Variants in ATP10A observed in about 807,000 individuals in gnomAD.
ATP10A encodes the protein ATPase phospholipid transporting 10A (putative).
ATP10A carries 111 observed loss-of-function variants against 147.8 expected under a neutral mutation model. The observed-to-expected ratio is 0.75, with a 90% CI of 0.64 to 0.88. The LOEUF is 0.88. ATP10A is among the 40% of genes least tolerant of loss of function. The pLI is 0.00. For synonymous variants in ATP10A, 875 were observed against 841.6 expected, an observed-to-expected ratio of 1.04 and a Z score of -0.69; for missense variants, 1,927 against 1,959.0, an observed-to-expected ratio of 0.98 and a Z score of 0.31.
At chr15:25,804,399 G>A (rs778918379) in intron 1 of ATP10A, among the ~76,000 whole-genome samples, 23 of 149,718 alleles carry the variant, frequency 1.5e-4, no homozygotes, top group African/African-American at 4.5e-4. Context: ...GTGCATATGC[G>A]GGTAGGGGTG....
At chr15:25,700,224 C>G (rs956841732) in intron 13 of ATP10A, among the ~76,000 whole-genome samples, 1 of 152,142 alleles carries the variant, frequency 6.6e-6, no homozygotes, top group African/African-American at 2.4e-5. Flanking sequence ...GAAAAAAAAT[C>G]AATGACAATG....
At chr15:25,837,027 A>C (rs1292956815) in intron 1 of ATP10A, among the ~76,000 whole-genome samples, 1 of 152,236 alleles carries the variant, frequency 6.6e-6, no homozygotes, top group Non-Finnish European at 1.5e-5. Flanking sequence ...TACATAGAGA[A>C]ATGATCACCA....
chr15:25,748,783 A>T (rs769168274), intron 2 of ATP10A, among the ~76,000 whole-genome samples: 11 of 152,208 alleles, frequency 7.2e-5, no homozygotes, highest in Middle Eastern at 3.4e-3. Flanking sequence ...GACCAGGCAC[A>T]GTGGCTCATG....
At chr15:25,815,783 G>A (rs983363234) in intron 1 of ATP10A, among the ~76,000 whole-genome samples, 4 of 152,112 alleles carry the variant, frequency 2.6e-5, no homozygotes, top group African/African-American at 9.7e-5. Flanking sequence ...AGCCATTTTA[G>A]GAGAAAAGCT....
chr15:25,685,339 C>G (rs1899652965), intron 16 of ATP10A, among the ~76,000 whole-genome samples: 1 of 152,174 alleles, frequency 6.6e-6, no homozygotes, highest in Non-Finnish European at 1.5e-5. Context: ...CTCCTTTCTG[C>G]ACCCTTCAAT....
intron 2 of ATP10A, among the ~76,000 whole-genome samples, chr15:25,772,444 A>G (rs1287762839): frequency 1.3e-5 from 2 of 152,162 alleles, no homozygotes; most frequent in Non-Finnish European, 2.9e-5. Flanking sequence ...TGGCCCACGC[A>G]GGCTCACTGG....
At chr15:25,790,434 C>T (rs987223115) in intron 1 of ATP10A, among the ~76,000 whole-genome samples, 2 of 152,200 alleles carry the variant, frequency 1.3e-5, no homozygotes, top group African/African-American at 2.4e-5. Flanking sequence ...AAATACTGGT[C>T]GCTCTGTGGT....
chr15:25,857,034 T>C (rs1192358796), intron 1 of ATP10A, among the ~76,000 whole-genome samples: 1 of 152,212 alleles, frequency 6.6e-6, no homozygotes, highest in East Asian at 1.9e-4. Flanking sequence ...AAAAGATTTA[T>C]CAGCCACCTG....
At chr15:25,738,643 G>T (rs1887418857) in intron 2 of ATP10A, 1 of 152,150 alleles carries the variant, frequency 6.6e-6, no homozygotes, top group Non-Finnish European at 1.5e-5. Flanking sequence ...TGACTGAGAA[G>T]AAATGAAATA....
intron 1 of ATP10A, among the ~76,000 whole-genome samples, chr15:25,839,858 G>A (rs1055849747): frequency 3.3e-5 from 5 of 152,104 alleles, no homozygotes; most frequent in African/African-American, 9.7e-5. Flanking sequence ...AATCAAAACC[G>A]GGAAATTGGC....
chr15:25,803,597 T>A (rs1181277121), intron 1 of ATP10A, among the ~76,000 whole-genome samples: 1 of 152,190 alleles, frequency 6.6e-6, no homozygotes, highest in African/African-American at 2.4e-5. Flanking sequence ...CCTGTCCTAC[T>A]CCCAAGTATC....
At chr15:25,784,838 C>T (rs537374240) in intron 1 of ATP10A, among the ~76,000 whole-genome samples, 5 of 151,822 alleles carry the variant, frequency 3.3e-5, no homozygotes, top group African/African-American at 9.7e-5. Context: ...AGGAGAATCG[C>T]TTGAACCCGG....
chr15:25,780,009 C>T (rs536252763), intron 2 of ATP10A, among the ~76,000 whole-genome samples: 1 of 152,286 alleles, frequency 6.6e-6, no homozygotes, highest in African/African-American at 2.4e-5. Context: ...TCAGGCATCT[C>T]CCCCTGTGAC....
chr15:25,812,646 TTTG>T (rs1002926933), intron 1 of ATP10A, among the ~76,000 whole-genome samples: 5 of 152,154 alleles, frequency 3.3e-5, no homozygotes, highest in African/African-American at 4.8e-5. Context: ...ACAAGCTATT[TTTG>T]TTGTTGTTGT....
chr15:25,684,622 T>C (rs1899614076), intron 16 of ATP10A, among the ~76,000 whole-genome samples: 1 of 152,062 alleles, frequency 6.6e-6, no homozygotes, highest in African/African-American at 2.4e-5. Flanking sequence ...GAGGTCACGG[T>C]GTGAGTAAGG....
intron 12 of ATP10A, among the ~76,000 whole-genome samples, chr15:25,707,481 C>T (rs184971683): frequency 4.8e-4 from 73 of 152,306 alleles, no homozygotes; most frequent in African/African-American, 1.5e-3. Flanking sequence ...TAAATACCTT[C>T]ATTTATCACT....
intron 1 of ATP10A, among the ~76,000 whole-genome samples, chr15:25,800,894 A>G (rs1014025296): frequency 6.6e-6 from 1 of 152,186 alleles, no homozygotes; most frequent in Admixed American, 6.5e-5. Context: ...TTCCCATAGA[A>G]GTCAAGCCTG....
At chr15:25,728,412 C>T (rs1902719758) in intron 3 of ATP10A, among the ~76,000 whole-genome samples, 1 of 152,226 alleles carries the variant, frequency 6.6e-6, no homozygotes, top group Non-Finnish European at 1.5e-5. Flanking sequence ...AACGCCGTGT[C>T]TACTGCTCCC....
At chr15:25,829,566 C>T (rs1041276296) in intron 1 of ATP10A, among the ~76,000 whole-genome samples, 6 of 152,142 alleles carry the variant, frequency 3.9e-5, no homozygotes, top group African/African-American at 1.2e-4. Context: ...GGTAGAGAAA[C>T]ATCTAAATGC....
Sources: allele counts gnomAD v4.1 joint callset (sites outside exome capture counted in the v4.1 genomes callset), GRCh38; gene constraint gnomAD v4.1.1; transcripts MANE v1.5; gene names NCBI Gene and HGNC (gene_info 2026-07-23, HGNC 2026-07-21).